The following SNF8 variants were observed in gnomAD, a reference collection of about 807,000 sequenced individuals.
SNF8 encodes SNF8 subunit of ESCRT-II.
Under a neutral mutation model 36.8 loss-of-function variants are expected in SNF8, and 19 were observed. The observed-to-expected ratio is 0.52, with a 90% CI of 0.36 to 0.76. SNF8 has a LOEUF of 0.76. Among genes scored for constraint, SNF8 ranks in the 30% least tolerant of loss-of-function variants. The pLI, the probability that SNF8 is intolerant of heterozygous loss-of-function variation, is 0.00. For missense variants in SNF8, 268 were observed against 322.9 expected, an observed-to-expected ratio of 0.83 and a Z score of 1.30; for synonymous variants, 127 against 127.4, an observed-to-expected ratio of 1.00 and a Z score of 0.02.
At chr17:48,935,290 G>A (rs2040917934) in intron 5 of SNF8, among the ~76,000 whole-genome samples, 1 of 151,992 alleles carries the variant, frequency 6.6e-6, no homozygotes, top group African/African-American at 2.4e-5. Context: ...GAGGCGGGTG[G>A]ATCACGAGGT....
At chr17:48,934,843 T>C (rs1157935070) in intron 5 of SNF8, among the ~76,000 whole-genome samples, 1 of 152,138 alleles carries the variant, frequency 6.6e-6, no homozygotes. Context: ...GTGTAAGCTA[T>C]TGCACCCAGC....
intron 2 of SNF8, 143 bp from the exon 3 acceptor site, chr17:48,941,205 C>T: frequency 1.2e-6 from 1 of 868,768 alleles, no homozygotes; most frequent in South Asian, 1.7e-5. Flanking sequence ...TACCATCTCT[C>T]TTTTTATCCC....
At chr17:48,940,412 TCA>T (rs2041001658) in intron 3 of SNF8, among the ~76,000 whole-genome samples, 1 of 152,036 alleles carries the variant, frequency 6.6e-6, no homozygotes, top group African/African-American at 2.4e-5. Context: ...CAAGGAATGA[TCA>T]CAGACACTGG....
rs369157877 is a variant in SNF8, at chr17:48,936,252, G to A, written c.350-10C>T. 21 of 1,609,302 alleles carry A rather than the reference G, an allele frequency of 1.3e-5. No individual in the cohort carries two copies. The South Asian group carries it at 2.3e-4, about 18-fold the overall frequency. ...TCCAAAGTTATCAGACCTGTTTGGA[G>A]ACAGGGAACAGAAATCAGAAAAAGA... is the stretch of plus-strand genomic sequence containing the variant. On this transcript the variant is annotated splice_polypyrimidine_tract_variant and intron_variant, in intron 4 of 7. Coordinates refer to ENST00000502492, the MANE Select transcript of SNF8 (RefSeq NM_007241.4).
chr17:48,941,135 G>T, intron 2 of SNF8, 73 bp from the exon 3 acceptor site: 1 of 1,562,232 alleles, frequency 6.4e-7, no homozygotes, highest in Non-Finnish European at 8.7e-7. Flanking sequence ...CAGGTCCCCA[G>T]CCCTGTGGCA....
At chr17:48,933,592 T>C in intron 5 of SNF8, 1 of 448,724 alleles carries the variant, frequency 2.2e-6, no homozygotes, top group Non-Finnish European at 4.1e-6. Flanking sequence ...AAATAAAAAA[T>C]TAGCAGGGCA....
intron 3 of SNF8, among the ~76,000 whole-genome samples, chr17:48,938,685 T>C (rs934614933): frequency 1.3e-5 from 2 of 151,766 alleles, no homozygotes; most frequent in East Asian, 1.9e-4. Flanking sequence ...CTGGCTAACA[T>C]GCTGAAACCC....
chr17:48,940,128 A>G (rs906858759), intron 3 of SNF8, among the ~76,000 whole-genome samples: 2 of 151,278 alleles, frequency 1.3e-5, no homozygotes, highest in Non-Finnish European at 2.9e-5. Context: ...TGCAGCCTCA[A>G]CTTCCCAGTC....
At position 48,930,566 on chromosome 17, in the gene SNF8, G is replaced by A; in HGVS notation, c.686C>T (p.Pro229Leu). 5 of 1,613,776 alleles carry A rather than the reference G, an allele frequency of 3.1e-6. No individual in the cohort carries two copies. The highest frequency in any genetic ancestry group is 4.2e-6 in the Non-Finnish European group (5 of 1,179,940). ...TGGCAGCCAGTAGTGGGCCTCCCCT[G>A]GGGCCTGTAAGTCCAGCCACGCCAA... ...EGLAWLDLQA[P>L]GEAHYWLPAL... The change falls in exon 8 of 8, where the codon CCA becomes CTA. Residue 229 changes from proline to leucine, a missense_variant. By Grantham distance (98) the Pro-to-Leu change is moderately conservative (BLOSUM62 -3). Transcript: ENST00000502492.
chr17:48,942,785 A>G (rs2041048038), intron 2 of SNF8, among the ~76,000 whole-genome samples: 1 of 146,304 alleles, frequency 6.8e-6, no homozygotes, highest in South Asian at 2.1e-4. Flanking sequence ...AGTGTCCTCA[A>G]TTTCTGCCCA....
chr17:48,934,307 T>C (rs994697908), intron 5 of SNF8, among the ~76,000 whole-genome samples: 1 of 151,632 alleles, frequency 6.6e-6, no homozygotes, highest in South Asian at 2.1e-4. Context: ...TCTTTTGTTA[T>C]CACTTTCCTT....
At chr17:48,935,933 G>C in intron 5 of SNF8, 1 of 391,586 alleles carries the variant, frequency 2.6e-6, no homozygotes, top group Non-Finnish European at 4.7e-6. Flanking sequence ...TGAGGCTGCA[G>C]TAAGCAATGA....
chr17:48,931,585 C>G (rs1186481207), intron 7 of SNF8, 58 bp downstream of exon 7: 5 of 1,402,072 alleles, frequency 3.6e-6, no homozygotes, highest in Non-Finnish European at 4.0e-6. Context: ...TTTGTGGAAC[C>G]CACATCCTCC....
Position 48,929,543 on chromosome 17 carries a change from AT to A in SNF8, c.*931del, listed in dbSNP as rs544926971. On this transcript the variant is annotated 3_prime_UTR_variant, in exon 8 of 8. Coordinates refer to ENST00000502492, the MANE Select transcript of SNF8 (RefSeq NM_007241.4). Reference sequence around the variant, plus strand: ...TCACCACTTCTACTTGCTATAGGAGATTCTTGCTTTCTGATGCAGAGGCTTT... The same window carrying A: ...TCACCACTTCTACTTGCTATAGGAGATCTTGCTTTCTGATGCAGAGGCTTT... The A allele has an allele frequency of 4.5e-4, 68 of 152,158 alleles. No homozygotes were observed. Among genetic ancestry groups the A allele is most frequent in the African/African-American group, 1.4e-3 (60 of 41,482 alleles). 9.4% of individuals were successfully genotyped at this position (152,158 alleles called of 1,614,324 possible).
rs377715104 is a variant in SNF8 at position 48,940,904 on chromosome 17, C to T, written c.244+20G>A. 6.3e-4 allele frequency: 1,010 copies of T among 1,610,016 alleles called. 1 individual carries two copies. Among genetic ancestry groups the T allele is most frequent in the Middle Eastern group, 1.8e-3 (8 of 4,456 alleles). On this transcript the variant is annotated intron_variant, in intron 3 of 7. Coordinates refer to ENST00000502492, the MANE Select transcript of SNF8 (RefSeq NM_007241.4). Reference sequence around the variant, plus strand: ...CAGGTACTCTATAAGAACGCTGGACCCCTACAGACAACTTCTTACAGGCCA... The same window carrying T: ...CAGGTACTCTATAAGAACGCTGGACTCCTACAGACAACTTCTTACAGGCCA...
At chr17:48,942,848 T>A (rs1042508838) in intron 2 of SNF8, among the ~76,000 whole-genome samples, 2 of 4,466 alleles carry the variant, frequency 4.5e-4, no homozygotes, top group African/African-American at 7.2e-4. Context: ...GCACCCGGCC[T>A]TTTTTTTTTT....
chr17:48,943,562 C>T (rs2041061541), intron 2 of SNF8, among the ~76,000 whole-genome samples: 1 of 151,978 alleles, frequency 6.6e-6, no homozygotes, highest in Admixed American at 6.6e-5. Flanking sequence ...GAGCCGAGAT[C>T]GTGCCACTGT....
In SNF8 at chr17:48,930,433, C is replaced by T. The variant is rs73329985; in HGVS notation, c.*42G>A. On this transcript the variant is annotated 3_prime_UTR_variant, in exon 8 of 8. Transcript: ENST00000502492. Reference sequence around the variant, plus strand: ...ATTGCCCAGGTTTATTTGCCACCTCCGCCTCCTCCCTGCCTGCTGCTGTGT... The same window carrying T: ...ATTGCCCAGGTTTATTTGCCACCTCTGCCTCCTCCCTGCCTGCTGCTGTGT... 7.1e-4 allele frequency: 1,043 copies of T among 1,464,844 alleles called. 2 individuals carry two copies. The highest frequency in any genetic ancestry group is 6.7e-3 in the African/African-American group (474 of 71,112). The allele number at this position is 1,464,844 out of a possible 1,614,324, so 90.7% of individuals were successfully genotyped here. A position where few individuals can be genotyped will look rare whatever the true frequency, so the allele number is the denominator to read the frequency against.
At chr17:48,935,190 G>A (rs79706931) in intron 5 of SNF8, among the ~76,000 whole-genome samples, 2 of 151,884 alleles carry the variant, frequency 1.3e-5, no homozygotes, top group Non-Finnish European at 2.9e-5. Flanking sequence ...GGCCAACAAC[G>A]TGAAACCCCA....
Sources: allele counts gnomAD v4.1 joint callset (sites outside exome capture counted in the v4.1 genomes callset), GRCh38; gene constraint gnomAD v4.1.1; transcripts MANE v1.5; gene names NCBI Gene and HGNC (gene_info 2026-07-23, HGNC 2026-07-21).